The following RHOA variants were observed in gnomAD, a reference collection of about 807,000 sequenced individuals.
RHOA encodes transforming protein RhoA.
RHOA carries 3 observed loss-of-function variants against 17.5 expected under a neutral mutation model. That is an observed-to-expected ratio of 0.17 (90% CI 0.08 to 0.44). The LOEUF (loss-of-function observed/expected upper bound fraction) is 0.44. RHOA is among the 20% of genes least tolerant of loss of function. The pLI is 0.99. For missense variants in RHOA, 56 were observed against 242.3 expected (o/e 0.23, Z 5.10); for synonymous variants, 98 against 88.4 (o/e 1.11, Z -0.61).
At chr3:49,397,253 A>G (rs935150556) in intron 1 of RHOA, among the ~76,000 whole-genome samples, 6 of 152,184 alleles carry the variant, frequency 3.9e-5, no homozygotes, top group Non-Finnish European at 7.4e-5. Context: ...CGAAATATCC[A>G]GAATAGGCAA....
intron 1 of RHOA, among the ~76,000 whole-genome samples, chr3:49,389,024 T>C (rs1000755287): frequency 2.6e-5 from 4 of 152,060 alleles, no homozygotes; most frequent in East Asian, 1.9e-4. Flanking sequence ...GTATGAAATA[T>C]CCAGAATAGG....
At chr3:49,379,701 T>G (rs1465189396) in intron 1 of RHOA, among the ~76,000 whole-genome samples, 2 of 152,028 alleles carry the variant, frequency 1.3e-5, no homozygotes, top group Non-Finnish European at 2.9e-5. Flanking sequence ...TTTTTAGTAG[T>G]GACCGGGTTT....
At chr3:49,387,841 T>C (rs1303533806) in intron 1 of RHOA, among the ~76,000 whole-genome samples, 1 of 152,102 alleles carries the variant, frequency 6.6e-6, no homozygotes, top group African/African-American at 2.4e-5. Flanking sequence ...CTTTTTTCTG[T>C]ACACACCAGA....
chr3:49,367,509 G>A (rs2048078878), intron 3 of RHOA, among the ~76,000 whole-genome samples: 1 of 151,878 alleles, frequency 6.6e-6, no homozygotes, highest in Non-Finnish European at 1.5e-5. Flanking sequence ...CCCCAAAAGA[G>A]ATGGCTTTAC....
intron 1 of RHOA, among the ~76,000 whole-genome samples, chr3:49,381,633 G>A (rs562390912): frequency 1.9e-4 from 29 of 151,738 alleles, no homozygotes; most frequent in African/African-American, 6.5e-4. Flanking sequence ...TTGGGAGGCC[G>A]AGGCCTGTGG....
chr3:49,379,847 T>TG (rs2048288923), intron 1 of RHOA, among the ~76,000 whole-genome samples: 1 of 152,166 alleles, frequency 6.6e-6, no homozygotes, highest in Non-Finnish European at 1.5e-5. Flanking sequence ...TTTAAAAAGG[T>TG]GAATTGTAAG....
chr3:49,393,674 CTCTGTGTGTGTGTG>C (rs1427465103), intron 1 of RHOA, among the ~76,000 whole-genome samples: 20 of 4,350 alleles, frequency 4.6e-3, no homozygotes, highest in Non-Finnish European at 6.3e-3. Flanking sequence ...CAAATTCTCT[CTCTGTGTGTGTGTG>C]TGTGTGTGTG....
intron 1 of RHOA, among the ~76,000 whole-genome samples, chr3:49,405,922 T>A (rs2048825381): frequency 6.6e-6 from 1 of 152,136 alleles, no homozygotes; most frequent in African/African-American, 2.4e-5. Context: ...TGACCTCAGG[T>A]GACCCACCCA....
At chr3:49,377,888 C>CACACAAAGTG in intron 1 of RHOA, among the ~76,000 whole-genome samples, 1 of 151,966 alleles carries the variant, frequency 6.6e-6, no homozygotes, top group South Asian at 2.1e-4. Context: ...GTAGCTCACA[C>CACACAAAGTG]CTGTAATCCC....
At chr3:49,407,186 G>A (rs1344334253) in intron 1 of RHOA, among the ~76,000 whole-genome samples, 2 of 150,046 alleles carry the variant, frequency 1.3e-5, no homozygotes, top group African/African-American at 2.4e-5. Context: ...AATAAAATAG[G>A]CAGAAGTCAC....
intron 1 of RHOA, among the ~76,000 whole-genome samples, chr3:49,391,959 C>T (rs1210097569): frequency 6.6e-6 from 1 of 150,542 alleles, no homozygotes; most frequent in African/African-American, 2.4e-5. Context: ...TCCCAAGTAG[C>T]TGGGATTATA....
At chr3:49,364,256 G>A (rs978914076) in intron 3 of RHOA, among the ~76,000 whole-genome samples, 12 of 151,994 alleles carry the variant, frequency 7.9e-5, no homozygotes, top group East Asian at 1.9e-4. Context: ...AGGCCGGGGC[G>A]GGTGGATCAC....
At chr3:49,363,800 C>T (rs908814611) in intron 3 of RHOA, among the ~76,000 whole-genome samples, 5 of 151,678 alleles carry the variant, frequency 3.3e-5, no homozygotes, top group Non-Finnish European at 5.9e-5. Context: ...TGTGATGAGT[C>T]GAGATCGCAA....
At chr3:49,410,990 G>A (rs73088137) in intron 1 of RHOA, among the ~76,000 whole-genome samples, 30,004 of 152,166 alleles carry the variant, frequency 0.2, 3,365 homozygotes, top group Middle Eastern at 0.28. Context: ...GATGCGAATA[G>A]CGCTATTCAA....
intron 1 of RHOA, among the ~76,000 whole-genome samples, chr3:49,408,163 G>T (rs373571514): frequency 1.2e-4 from 1 of 8,084 alleles, no homozygotes; most frequent in East Asian, 0.023. Context: ...AGTCTCAAAA[G>T]AGAAAAAAAA....
intron 3 of RHOA, among the ~76,000 whole-genome samples, chr3:49,367,481 A>G (rs1384852835): frequency 6.6e-6 from 1 of 151,712 alleles, no homozygotes; most frequent in East Asian, 1.9e-4. Flanking sequence ...CAGGGCAACC[A>G]AAAAAAAGAA....
intron 1 of RHOA, among the ~76,000 whole-genome samples, chr3:49,391,940 G>A (rs537903986): frequency 1.4e-5 from 2 of 140,364 alleles, no homozygotes; most frequent in African/African-American, 5.4e-5. Context: ...TGATTCTCCC[G>A]CCTCAGCCTC....
At chr3:49,391,144 G>A (rs2048496091) in intron 1 of RHOA, among the ~76,000 whole-genome samples, 1 of 151,696 alleles carries the variant, frequency 6.6e-6, no homozygotes, top group Admixed American at 6.6e-5. Flanking sequence ...CTTGTACCCG[G>A]GAGGCAGAGG....
intron 4 of RHOA, 120 bp from the exon 5 acceptor site, chr3:49,360,502 C>G: frequency 1.8e-6 from 2 of 1,098,042 alleles, no homozygotes; most frequent in Non-Finnish European, 2.5e-6. Context: ...TTTTGCTCGT[C>G]GGTCGCCCAG....
Sources: gnomAD v4.1 joint callset for allele counts (sites outside exome capture counted in the v4.1 genomes callset) on GRCh38, gnomAD v4.1.1 for gene constraint, MANE v1.5 for transcripts, NCBI Gene and HGNC (gene_info 2026-07-23, HGNC 2026-07-21) for gene names.